The following CSNK1G2 variants were observed in gnomAD, a reference collection of about 807,000 sequenced individuals.
CSNK1G2 encodes casein kinase I isoform gamma-2.
In CSNK1G2, 11 loss-of-function variants were observed where a neutral mutation model predicts 48.0. The observed-to-expected ratio is 0.23, with a 90% confidence interval of 0.14 to 0.38. CSNK1G2 has a LOEUF of 0.38. CSNK1G2 is among the 10% of genes least tolerant of loss of function. CSNK1G2 has a pLI of 1.00. For missense variants in CSNK1G2, 446 were observed against 595.5 expected (o/e 0.75, Z 2.61); for synonymous variants, 337 against 254.1 (o/e 1.33, Z -3.10).
rs769685317 is a variant in CSNK1G2, at chr19:1,969,836, G to A, written c.64G>A (p.Gly22Ser). The A allele has an allele frequency of 3.3e-5, 43 of 1,310,664 alleles. No homozygotes were observed. Among genetic ancestry groups the A allele is most frequent in the Middle Eastern group, 2.1e-4 (1 of 4,714 alleles). 81.2% of individuals were successfully genotyped at this position (1,310,664 alleles called of 1,614,324 possible). ...GGAGGGCCGGAGAATGTCCAAGGCC[G>A]GCGGGGGCCGGAGCAGCCACGGCAT... ...TEEGRRMSKA[G>S]GGRSSHGIRS... The change falls in exon 2 of 12, where the codon GGC (glycine) becomes AGC (serine). Residue 22 changes from glycine to serine, a missense_variant. Transcript: ENST00000255641.
chr19:1,941,319 C>T lies in CSNK1G2; in HGVS notation c.-365C>T, dbSNP rs1164232274. Reference sequence around the variant, plus strand: ...CCCAAGCGGCACCGGAGCCGGAGCGCGAGGGGGCGCGGGGCCCGGAGCGGG... The same window carrying T: ...CCCAAGCGGCACCGGAGCCGGAGCGTGAGGGGGCGCGGGGCCCGGAGCGGG... On this transcript the variant is annotated 5_prime_UTR_variant, in exon 1 of 12. Transcript: ENST00000255641. The T allele has an allele frequency of 6.8e-6, 1 of 146,682 alleles. No homozygotes were observed. Among genetic ancestry groups the T allele is most frequent in the African/African-American group, 2.4e-5 (1 of 40,848 alleles). 9.1% of individuals were successfully genotyped at this position (146,682 alleles called of 1,614,324 possible). A position where few individuals can be genotyped will look rare whatever the true frequency, so the allele number is the denominator to read the frequency against.
intron 1 of CSNK1G2, among the ~76,000 whole-genome samples, chr19:1,967,324 C>G (rs1270517549): frequency 6.6e-5 from 10 of 152,144 alleles, no homozygotes; most frequent in Admixed American, 6.5e-4. Flanking sequence ...ACCCACGGCC[C>G]CTCTTCACCC....
intron 1 of CSNK1G2, 57 bp downstream of exon 1, chr19:1,941,475 G>T (rs1599271024): frequency 7.5e-6 from 1 of 133,386 alleles, no homozygotes; most frequent in South Asian, 2.4e-4. Flanking sequence ...GGCCCTGGGC[G>T]CCCCCAGTGA....
rs543501773 is a variant in CSNK1G2 at position 1,961,134 on chromosome 19, G to A, written c.-265-8374G>A. ...GTCCCGTTGGCAGCCGCAGTGGAAA[G>A]ACGGATGGACGGGCTGTGACAGGGA... On this transcript the variant is annotated intron_variant, in intron 1 of 11. Transcript: ENST00000255641. Among the ~76,000 whole-genome samples, 6 of 152,382 alleles carry A rather than the reference G, an allele frequency of 3.9e-5. No individual in the cohort carries two copies. In the East Asian group the frequency reaches 1.2e-3, roughly 29 times the overall value.
At chr19:1,950,817 C>T (rs1474461465) in intron 1 of CSNK1G2, among the ~76,000 whole-genome samples, 1 of 146,516 alleles carries the variant, frequency 6.8e-6, no homozygotes, top group African/African-American at 2.6e-5. Context: ...TCTGGGGCAT[C>T]CAGGAGGGAG....
chr19:1,975,810 C>T (rs1235100531), intron 2 of CSNK1G2: 56 of 970,228 alleles, frequency 5.8e-5, no homozygotes, highest in Non-Finnish European at 6.6e-5. Flanking sequence ...CTGATGTGGG[C>T]GGATCACCTG....
intron 1 of CSNK1G2, chr19:1,952,472 G>C (rs1386121007): frequency 6.6e-6 from 1 of 152,282 alleles, no homozygotes; most frequent in African/African-American, 2.4e-5. Context: ...ACAGGCGTCC[G>C]CCACCATGCC....
At chr19:1,949,575 C>T (rs963399582) in intron 1 of CSNK1G2, among the ~76,000 whole-genome samples, 5 of 152,210 alleles carry the variant, frequency 3.3e-5, no homozygotes, top group East Asian at 1.9e-4. Flanking sequence ...GTGGCTGCTG[C>T]GAGCACCCGT....
At chr19:1,950,500 C>T (rs2014726069) in intron 1 of CSNK1G2, among the ~76,000 whole-genome samples, 2 of 147,036 alleles carry the variant, frequency 1.4e-5, no homozygotes, top group Admixed American at 1.4e-4. Context: ...TTGAACATTA[C>T]AGCAACATCT....
In CSNK1G2 at chr19:1,979,523, G is replaced by A; in HGVS notation, c.882G>A (p.Val294=). ...AGATGGCCACGTACCTGCGCTATGT[G>A]CGGCGCCTGGACTTCTTCGAGAAGC... ...PEEMATYLRY[V]RRLDFFEKPD... The change falls in exon 9 of 12, where the codon GTG becomes GTA. Residue 294 remains valine, a synonymous_variant. Coordinates refer to ENST00000255641, the MANE Select transcript of CSNK1G2 (RefSeq NM_001319.7). 6.2e-7 allele frequency: 1 copy of A among 1,605,538 alleles called. No individual in the cohort carries two copies. Among genetic ancestry groups the A allele is most frequent in the East Asian group, 2.2e-5 (1 of 44,746 alleles).
intron 1 of CSNK1G2, chr19:1,952,827 AGTT>A (rs1177901732): frequency 3.0e-6 from 1 of 333,690 alleles, no homozygotes; most frequent in Non-Finnish European, 6.0e-6. Flanking sequence ...CTCCCCGGGG[AGTT>A]AGGCCGAACC....
In CSNK1G2 at chr19:1,978,278, C is replaced by T. The variant is rs377348496; in HGVS notation, c.188-27C>T. 111 of 1,612,756 alleles carry T rather than the reference C, an allele frequency of 6.9e-5. 1 individual carries two copies. Among genetic ancestry groups the T allele is most frequent in the Non-Finnish European group, 8.4e-5 (99 of 1,179,702 alleles). Reference sequence around the variant, plus strand: ...CGGGGCTAGGTGGGCCCTGCGCTGGCGGTGCTGATGGTCTCTGTCCCCGCA... The same window carrying T: ...CGGGGCTAGGTGGGCCCTGCGCTGGTGGTGCTGATGGTCTCTGTCCCCGCA... On this transcript the variant is annotated intron_variant, in intron 2 of 11. Transcript: ENST00000255641. This position sits in a 1 kb window ranked among gnomAD's most constrained non-coding sequence, Gnocchi z 7.3.
rs1425377079 is a variant in CSNK1G2, at chr19:1,979,704, G to A, written c.1003-48G>A. 3 of 1,602,322 alleles carry A rather than the reference G, an allele frequency of 1.9e-6. No homozygotes were observed. The East Asian group carries it at 6.7e-5, about 36-fold the overall frequency. On this transcript the variant is annotated intron_variant, in intron 9 of 11. Coordinates refer to ENST00000255641, the MANE Select transcript of CSNK1G2 (RefSeq NM_001319.7). ...ACCGGGAAACTGCCCTGAGGGAGAT[G>A]GGAACCGGCGCTGCAGCCCATCCTG...
intron 1 of CSNK1G2, among the ~76,000 whole-genome samples, chr19:1,962,315 AGT>A (rs1007352340): frequency 1.3e-5 from 2 of 151,636 alleles, no homozygotes; most frequent in Non-Finnish European, 2.9e-5. Flanking sequence ...TGGGCGAAAG[AGT>A]GAGACTCTGT....
chr19:1,978,212 AC>A lies in CSNK1G2; in HGVS notation c.188-88del. ...TCATTTGGAGGGTGGTCCTTCAGGG[AC>A]CCCCTCCTGCCTCCTGCCTCGGGGG... On this transcript the variant is annotated intron_variant, in intron 2 of 11. Coordinates refer to ENST00000255641, the MANE Select transcript of CSNK1G2 (RefSeq NM_001319.7). The surrounding 1 kb of genome is among the most constrained non-coding windows in gnomAD (Gnocchi z 7.3). 1 of 1,287,456 alleles carries A rather than the reference AC, an allele frequency of 7.8e-7. No homozygotes were observed. Among genetic ancestry groups the A allele is most frequent in the Non-Finnish European group, 1.1e-6 (1 of 906,538 alleles). 79.8% of individuals were successfully genotyped at this position (1,287,456 alleles called of 1,614,324 possible).
At chr19:1,950,061 G>A (rs977171761) in intron 1 of CSNK1G2, among the ~76,000 whole-genome samples, 1 of 152,206 alleles carries the variant, frequency 6.6e-6, no homozygotes, top group African/African-American at 2.4e-5. Flanking sequence ...AGCCCCACAG[G>A]ATCATCGAGG....
At position 1,980,607 on chromosome 19, in the gene CSNK1G2, G is replaced by T. The variant is rs1012289232; in HGVS notation, c.*404G>T. The T allele has an allele frequency of 1.5e-4, 37 of 253,266 alleles. No homozygotes were observed. Among genetic ancestry groups the T allele is most frequent in the Admixed American group, 8.4e-4 (16 of 18,960 alleles). 15.7% of individuals were successfully genotyped at this position (253,266 alleles called of 1,614,324 possible). A position where few individuals can be genotyped will look rare whatever the true frequency, so the allele number is the denominator to read the frequency against. On this transcript the variant is annotated 3_prime_UTR_variant, in exon 12 of 12. Transcript: ENST00000255641. ...GCCCCCGTTAGCGTCATAAAGTCCA[G>T]CTTGTCTCCCTCGATCCAAAGGCCG...
In CSNK1G2 at chr19:1,980,992, C is replaced by G. The variant is rs2015971022; in HGVS notation, c.*789C>G. On this transcript the variant is annotated 3_prime_UTR_variant, in exon 12 of 12. Coordinates refer to ENST00000255641, the MANE Select transcript of CSNK1G2 (RefSeq NM_001319.7). The stretch of plus-strand genomic sequence containing the variant: ...CCGGTTGGTGTCACCCTGCTCGGCC[C>G]TCAGCCCTGCCGCGTGGGGCGCGTG... 6.6e-6 allele frequency: 1 copy of G among 152,256 alleles called. No individual in the cohort carries two copies. Among genetic ancestry groups the G allele is most frequent in the Admixed American group, 6.5e-5 (1 of 15,284 alleles). 9.4% of individuals were successfully genotyped at this position (152,256 alleles called of 1,614,324 possible). A position where few individuals can be genotyped will look rare whatever the true frequency, so the allele number is the denominator to read the frequency against.
chr19:1,953,902 G>T lies in CSNK1G2; in HGVS notation c.-266+12484G>T, dbSNP rs753762990. On this transcript the variant is annotated intron_variant, in intron 1 of 11. Transcript: ENST00000255641. Reference sequence around the variant, plus strand: ...CGGCTCAGCTGCGTTCTCAGAGGCCGGCTGTCCTCGTGGGCGTCTCCGGTG... The same window carrying T: ...CGGCTCAGCTGCGTTCTCAGAGGCCTGCTGTCCTCGTGGGCGTCTCCGGTG... The T allele has an allele frequency of 5.6e-6, 3 of 534,100 alleles. No homozygotes were observed. The Admixed American group carries it at 5.8e-5, about 10-fold the overall frequency. The allele number at this position is 534,100 out of a possible 1,614,324, so 33.1% of individuals were successfully genotyped here.
Sources: allele counts gnomAD v4.1 joint callset (sites outside exome capture counted in the v4.1 genomes callset), GRCh38; gene constraint gnomAD v4.1.1; non-coding constraint Gnocchi (gnomAD v3.1); transcripts MANE v1.5; gene names NCBI Gene and HGNC (gene_info 2026-07-23, HGNC 2026-07-21).